Variants in GREB1L observed in about 807,000 individuals in gnomAD.
GREB1L encodes GREB1-like protein.
Under a neutral mutation model 200.8 loss-of-function variants are expected in GREB1L, and 17 were observed. The ratio of observed to expected loss-of-function variants is 0.08; its 90% CI spans 0.06 to 0.13. GREB1L has a LOEUF of 0.13. Ranked by LOEUF, GREB1L falls within the 10% of genes least tolerant of loss-of-function variation. GREB1L has a pLI of 1.00. For missense variants in GREB1L, 1,657 were observed against 2,367.7 expected (o/e 0.70, Z 6.23); for synonymous variants, 789 against 893.0 (o/e 0.88, Z 2.08).
At chr18:21,290,055 C>T (rs1434562783) in intron 1 of GREB1L, among the ~76,000 whole-genome samples, 3 of 152,192 alleles carry the variant, frequency 2.0e-5, no homozygotes, top group Non-Finnish European at 2.9e-5. Flanking sequence ...TGATTGCTGA[C>T]AAATGCTATG....
chr18:21,348,651 T>G (rs1300937488), intron 1 of GREB1L, among the ~76,000 whole-genome samples: 1 of 152,070 alleles, frequency 6.6e-6, no homozygotes, highest in Admixed American at 6.6e-5. Flanking sequence ...GGCAGGTGAC[T>G]GTAATCCCAG....
intron 7 of GREB1L, among the ~76,000 whole-genome samples, chr18:21,412,051 C>CAAAAA (rs962603456): frequency 6.6e-5 from 2 of 30,498 alleles, no homozygotes; most frequent in African/African-American, 2.2e-4. Context: ...GACTCCGTCT[C>CAAAAA]AAAAAAAAAA....
intron 15 of GREB1L, among the ~76,000 whole-genome samples, chr18:21,462,841 AAAAT>A (rs1283298267): frequency 6.6e-6 from 1 of 152,224 alleles, no homozygotes; most frequent in Non-Finnish European, 1.5e-5. Context: ...TATATATTCA[AAAAT>A]AAAATAATGG....
intron 1 of GREB1L, among the ~76,000 whole-genome samples, chr18:21,299,773 A>G (rs2038589348): frequency 1.3e-5 from 2 of 152,282 alleles, no homozygotes; most frequent in South Asian, 2.1e-4. Context: ...TCTGAAACCT[A>G]GTTATTTGCC....
At chr18:21,488,492 G>C (rs1436663741) in intron 18 of GREB1L, among the ~76,000 whole-genome samples, 1 of 152,090 alleles carries the variant, frequency 6.6e-6, no homozygotes, top group Non-Finnish European at 1.5e-5. Flanking sequence ...TGGAACAAAG[G>C]TGAAATCCCC....
intron 1 of GREB1L, among the ~76,000 whole-genome samples, chr18:21,298,105 A>G (rs1371893171): frequency 2.0e-5 from 3 of 152,162 alleles, no homozygotes; most frequent in Non-Finnish European, 4.4e-5. Context: ...CCCACACATT[A>G]CAGGAGATTG....
At chr18:21,502,218 T>C (rs2036825992) in intron 23 of GREB1L, among the ~76,000 whole-genome samples, 1 of 149,102 alleles carries the variant, frequency 6.7e-6, no homozygotes, top group Non-Finnish European at 1.5e-5. Flanking sequence ...GCCACTGCAC[T>C]CCAGCCTGGA....
chr18:21,256,804 G>A (rs1433370194), intron 1 of GREB1L, among the ~76,000 whole-genome samples: 2 of 151,954 alleles, frequency 1.3e-5, no homozygotes, highest in East Asian at 1.9e-4. Context: ...TCAGGAGATC[G>A]AGACTAGCCT....
chr18:21,253,103 A>G (rs1417611838), intron 1 of GREB1L, among the ~76,000 whole-genome samples: 2 of 152,122 alleles, frequency 1.3e-5, no homozygotes, highest in African/African-American at 2.4e-5. Flanking sequence ...AGATCAATCT[A>G]CCCTGAGAGG....
Position 21,403,964 on chromosome 18 carries a change from A to G in GREB1L, c.802A>G (p.Asn268Asp), listed in dbSNP as rs1224263881. Residue 268 changes from asparagine (N) to aspartate (D), a missense_variant, in exon 7 of 33, where the codon AAT (asparagine) becomes GAT (aspartate). Physicochemically the swap from Asn to Asp is conservative, Grantham distance 23. Transcript: ENST00000424526. ...STVTPENGTT[N>D]GYKSGFTQTD... ...TGTGACCCCAGAAAATGGGACAACT[A>G]ATGGATACAAATCAGGATTCACTCA... The G allele has an allele frequency of 2.6e-6, 4 of 1,551,294 alleles. No homozygotes were observed. In the East Asian group the frequency reaches 7.3e-5, roughly 28 times the overall value.
intron 1 of GREB1L, among the ~76,000 whole-genome samples, chr18:21,252,852 G>C (rs1426809941): frequency 6.6e-6 from 1 of 152,078 alleles, no homozygotes; most frequent in Non-Finnish European, 1.5e-5. Context: ...GAGTGAGACT[G>C]TCCCTCCCCA....
chr18:21,324,533 C>T (rs1176733048), intron 1 of GREB1L, among the ~76,000 whole-genome samples: 2 of 152,140 alleles, frequency 1.3e-5, no homozygotes, highest in Non-Finnish European at 2.9e-5. Context: ...TGCTTCTGGC[C>T]GGGTGTGGTG....
At position 21,499,760 on chromosome 18, in the gene GREB1L, C is replaced by T; in HGVS notation, c.3423C>T (p.Ser1141=). The T allele has an allele frequency of 1.9e-6, 3 of 1,552,050 alleles. No individual in the cohort carries two copies. The South Asian group carries it at 3.6e-5, about 18-fold the overall frequency. Residue 1141 remains serine (S), a synonymous_variant, in exon 22 of 33, where the codon TCC becomes TCT. Transcript: ENST00000424526. The stretch of plus-strand genomic sequence containing the variant: ...TCATGGAGAATGGAGTGAGCTCTTC[C>T]AGCACAGCTGACAAGTCCCAGAAGC... ...GSIMENGVSS[S]STADKSQKQS...
chr18:21,432,988 T>G (rs7241622), intron 7 of GREB1L, among the ~76,000 whole-genome samples: 50,965 of 152,020 alleles, frequency 0.34, 11,919 homozygotes, highest in African/African-American at 0.63. Flanking sequence ...ATTACAGGCA[T>G]GAGCCACTGC....
At chr18:21,274,946 G>GA (rs1237421193) in intron 1 of GREB1L, among the ~76,000 whole-genome samples, 1 of 151,470 alleles carries the variant, frequency 6.6e-6, no homozygotes, top group East Asian at 1.9e-4. Flanking sequence ...TAATAACAAT[G>GA]AAAAAAATAA....
At chr18:21,271,521 A>G (rs182058938) in intron 1 of GREB1L, among the ~76,000 whole-genome samples, 1 of 151,712 alleles carries the variant, frequency 6.6e-6, no homozygotes, top group Non-Finnish European at 1.5e-5. Context: ...GCTTGGTAGC[A>G]TGCACCTGTA....
At chr18:21,259,638 T>C (rs1220168429) in intron 1 of GREB1L, among the ~76,000 whole-genome samples, 2 of 152,118 alleles carry the variant, frequency 1.3e-5, no homozygotes, top group African/African-American at 4.8e-5. Flanking sequence ...TCCCAATACC[T>C]AAATTACAAA....
chr18:21,318,491 C>T (rs1425880683), intron 1 of GREB1L, among the ~76,000 whole-genome samples: 2 of 152,046 alleles, frequency 1.3e-5, no homozygotes, highest in African/African-American at 4.8e-5. Flanking sequence ...AAGGATAATG[C>T]GATCTTCACA....
At chr18:21,406,147 A>C (rs2144612678) in intron 7 of GREB1L, among the ~76,000 whole-genome samples, 1 of 152,186 alleles carries the variant, frequency 6.6e-6, no homozygotes, top group East Asian at 1.9e-4. Context: ...ACCTGAAAAT[A>C]ATGACGATAT....
Sources: gnomAD v4.1 joint callset for allele counts (sites outside exome capture counted in the v4.1 genomes callset) on GRCh38, gnomAD v4.1.1 for gene constraint, MANE v1.5 for transcripts, NCBI Gene and HGNC (gene_info 2026-07-23, HGNC 2026-07-21) for gene names.